ASGR1: variants seen among roughly 807,000 people sequenced by gnomAD.
The protein encoded by ASGR1 is C-type lectin domain family 4 member H1.
Under a neutral mutation model 33.1 loss-of-function variants are expected in ASGR1, and 35 were observed. The ratio of observed to expected loss-of-function variants is 1.06; its 90% CI spans 0.81 to 1.40. ASGR1 has a LOEUF of 1.40. Among genes scored for constraint, ASGR1 ranks in the 40% most tolerant of loss-of-function variants. The probability of loss-of-function intolerance (pLI) is 0.00; values close to 1 mark genes in which losing one functional copy is unlikely to be tolerated. For synonymous variants in ASGR1, 142 were observed against 152.5 expected (o/e 0.93, Z 0.51); for missense variants, 396 against 373.7 (o/e 1.06, Z -0.49).
intron 5 of ASGR1, among the ~76,000 whole-genome samples, chr17:7,176,122 ACT>A (rs201881572): frequency 0.017 from 2,462 of 141,980 alleles, 83 homozygotes; most frequent in African/African-American, 0.061. Context: ...TCACACTCAG[ACT>A]CTGTCACACA....
chr17:7,175,960 AC>A (rs1328656164), intron 5 of ASGR1, among the ~76,000 whole-genome samples: 1 of 143,360 alleles, frequency 7.0e-6, no homozygotes, highest in Non-Finnish European at 1.5e-5. Flanking sequence ...ACACTAACAC[AC>A]ATACACACGT....
intron 5 of ASGR1, 73 bp downstream of exon 5, chr17:7,176,757 C>T: frequency 6.3e-7 from 1 of 1,576,636 alleles, no homozygotes; most frequent in Non-Finnish European, 8.6e-7. Flanking sequence ...CACACTCACA[C>T]TTTCTCACAC....
intron 1 of ASGR1, chr17:7,178,956 C>G (rs1420425266): frequency 6.2e-6 from 1 of 160,018 alleles, no homozygotes; most frequent in African/African-American, 2.4e-5. Flanking sequence ...AGGCTTGTCT[C>G]AAACTCCTGA....
rs1411680742 is a variant in ASGR1 at position 7,174,426 on chromosome 17, G to A, written c.390C>T (p.Phe130=). Reference sequence around the variant, plus strand: ...AGCTCAGGCTCCGCAGGTCAGACACGAACTGCTTCACGTGGAGCAGCAGGC... The same window carrying A: ...AGCTCAGGCTCCGCAGGTCAGACACAAACTGCTTCACGTGGAGCAGCAGGC... The part of the protein sequence containing the change: ...HSSLLLHVKQ[F]VSDLRSLSCQ... Residue 130 remains phenylalanine (F), a synonymous_variant, in exon 6 of 9, where the codon TTC becomes TTT. Transcript: ENST00000269299. 8.1e-6 allele frequency: 13 copies of A among 1,613,704 alleles called. No homozygotes were observed. The highest frequency in any genetic ancestry group is 1.1e-5 in the Non-Finnish European group (13 of 1,179,842).
intron 1 of ASGR1, chr17:7,178,944 C>G (rs1597425615): frequency 6.1e-6 from 1 of 163,326 alleles, no homozygotes; most frequent in Non-Finnish European, 1.3e-5. Context: ...ACCGTGTTGC[C>G]CAGGCTTGTC....
chr17:7,176,055 C>T (rs1338020327), intron 5 of ASGR1, among the ~76,000 whole-genome samples: 3 of 141,018 alleles, frequency 2.1e-5, no homozygotes, highest in Admixed American at 7.1e-5. Flanking sequence ...TTCACACAGA[C>T]TCACACACCC....
rs754497570 is a variant in ASGR1 at position 7,178,546 on chromosome 17, T to C, written c.18A>G (p.Gln6=). ...CCTCATTGTCCAGATGCTGAAGGTC[T>C]TGATACTCCTTGGTCATGATAGGGC... MTKEY[Q]DLQHLDNEES... The change falls in exon 2 of 9, where the codon CAA becomes CAG. Residue 6 remains glutamine, a synonymous_variant. Transcript: ENST00000269299. 1 of 1,614,034 alleles carries C rather than the reference T, an allele frequency of 6.2e-7. No individual in the cohort carries two copies. The highest frequency in any genetic ancestry group is 2.2e-5 in the East Asian group (1 of 44,870).
At chr17:7,176,718 A>T (rs1597423917) in intron 5 of ASGR1, 112 bp downstream of exon 5, 23 of 1,442,808 alleles carry the variant, frequency 1.6e-5, no homozygotes, top group Non-Finnish European at 2.0e-5. Flanking sequence ...ACACACACAC[A>T]CTCCCTCTCA....
chr17:7,178,724 C>CTTTTTTTTTTT (rs1185210556), intron 1 of ASGR1, 136 bp from the exon 2 acceptor site: 1 of 427,114 alleles, frequency 2.3e-6, no homozygotes, highest in Non-Finnish European at 3.9e-6. Flanking sequence ...TTTTCTTTTT[C>CTTTTTTTTTTT]TTTTTTTTCT....
intron 5 of ASGR1, among the ~76,000 whole-genome samples, chr17:7,176,447 ACACT>A (rs1022554043): frequency 1.4e-5 from 2 of 147,494 alleles, no homozygotes; most frequent in African/African-American, 2.5e-5. Flanking sequence ...ACTCTCACAC[ACACT>A]CCCTCTCATT....
chr17:7,176,540 A>ACAC, intron 5 of ASGR1: 1 of 343,422 alleles, frequency 2.9e-6, no homozygotes, highest in Admixed American at 5.7e-5. Flanking sequence ...CACACACACC[A>ACAC]TCTCATTCTC....
chr17:7,174,686 C>T (rs983166484), intron 5 of ASGR1, among the ~76,000 whole-genome samples: 6 of 147,830 alleles, frequency 4.1e-5, no homozygotes, highest in African/African-American at 1.3e-4. Context: ...ACAACACATC[C>T]TAACACACAC....
chr17:7,178,723 TC>T (rs2069244155), intron 1 of ASGR1, 135 bp from the exon 2 acceptor site: 10 of 493,058 alleles, frequency 2.0e-5, no homozygotes, highest in Admixed American at 8.5e-5. Context: ...CTTTTCTTTT[TC>T]TTTTTTTTCT....
chr17:7,177,320 G>C lies in ASGR1; in HGVS notation c.77C>G (p.Pro26Arg), dbSNP rs1567794456. ...SDHHQLRKGPPPPQPLLQRLC... is the reference protein window; with the variant it reads ...SDHHQLRKGPRPPQPLLQRLC... ...ACGCTGCAGGAGGGGCTGGGGAGGA[G>C]GTGGCCCTGCAAGAGGAGGGGGTGT... Residue 26 changes from proline to arginine, a missense_variant, in exon 3 of 9, where the codon CCT becomes CGT. Pro to Arg is a moderately radical substitution (Grantham distance 103, BLOSUM62 -2). Transcript: ENST00000269299. 6.2e-7 allele frequency: 1 copy of C among 1,613,334 alleles called. No individual in the cohort carries two copies. Among genetic ancestry groups the C allele is most frequent in the East Asian group, 2.2e-5 (1 of 44,822 alleles).
chr17:7,176,147 AT>A (rs1337746012), intron 5 of ASGR1, among the ~76,000 whole-genome samples: 7 of 142,158 alleles, frequency 4.9e-5, no homozygotes. Context: ...CACCCATCTC[AT>A]TCTCACACAC....
At chr17:7,176,582 TCACA>T (rs1394097487) in intron 5 of ASGR1, 106 of 510,666 alleles carry the variant, frequency 2.1e-4, no homozygotes, top group African/African-American at 6.7e-4. Context: ...ACACACAGAC[TCACA>T]CACACTCCAT....
At position 7,173,861 on chromosome 17, in the gene ASGR1, A is replaced by G. The variant is rs761518856; in HGVS notation, c.702-28T>C. On this transcript the variant is annotated intron_variant, in intron 8 of 8. Transcript: ENST00000269299. The surrounding 1 kb of genome is among the most constrained non-coding windows in gnomAD (Gnocchi z 4.7). ...GGGGACAGAGCCAGCTGTGGGCCCC[A>G]GGAGGTCGGATCCGCAGGCGGGTCG... 6.2e-7 allele frequency: 1 copy of G among 1,607,522 alleles called. No homozygotes were observed. Among genetic ancestry groups the G allele is most frequent in the Non-Finnish European group, 8.5e-7 (1 of 1,177,448 alleles).
rs1345441330 is a variant in ASGR1 at position 7,173,993 on chromosome 17, C to T, written c.669G>A (p.Trp223Ter). ...CCGTCTCGTAGTCCGTCCCGTCCAC[C>T]CACTTCCAGGGCCCGTTTTGGTCGT... ...GLHDQNGPWKWVDGTDYETGF... is the reference protein window; with the variant it reads ...GLHDQNGPWK The change falls in exon 8 of 9, where the codon TGG becomes TGA. Residue 223 changes from tryptophan (W) to a stop codon, truncating the protein, a stop_gained. Coordinates refer to ENST00000269299, the MANE Select transcript of ASGR1 (RefSeq NM_001671.5). LOFTEE classifies it low-confidence loss of function (END_TRUNC). This position sits in a 1 kb window ranked among gnomAD's most constrained non-coding sequence, Gnocchi z 4.7. The T allele has an allele frequency of 6.2e-7, 1 of 1,614,224 alleles. No individual in the cohort carries two copies. Among genetic ancestry groups the T allele is most frequent in the South Asian group, 1.1e-5 (1 of 91,090 alleles).
intron 5 of ASGR1, 99 bp downstream of exon 5, chr17:7,176,731 C>T (rs948038059): frequency 6.5e-7 from 1 of 1,532,274 alleles, no homozygotes; most frequent in East Asian, 2.3e-5. Flanking sequence ...CCCTCTCATT[C>T]TCACACACAT....
Sources: allele counts gnomAD v4.1 joint callset (sites outside exome capture counted in the v4.1 genomes callset), GRCh38; gene constraint gnomAD v4.1.1; non-coding constraint Gnocchi (gnomAD v3.1); transcripts MANE v1.5; gene names NCBI Gene and HGNC (gene_info 2026-07-23, HGNC 2026-07-21).